The following SUMF1 variants were observed in gnomAD, a reference collection of about 807,000 sequenced individuals.
SUMF1 encodes the protein sulfatase modifying factor 1, also known as formylglycine-generating enzyme.
Under a neutral mutation model 47.6 loss-of-function variants are expected in SUMF1, and 48 were observed. The observed-to-expected ratio is 1.01, with a 90% CI of 0.80 to 1.28. The LOEUF is 1.28. SUMF1 is among the 50% of genes most tolerant of loss of function. The pLI, the probability that SUMF1 is intolerant of heterozygous loss-of-function variation, is 0.00. For synonymous variants in SUMF1, 230 were observed against 192.1 expected (o/e 1.20, Z -1.63); for missense variants, 571 against 485.4 (o/e 1.18, Z -1.66).
chr3:4,137,098 T>C (rs1292719883), intron 8 of SUMF1, among the ~76,000 whole-genome samples: 1 of 151,988 alleles, frequency 6.6e-6, no homozygotes, highest in African/African-American at 2.4e-5. Flanking sequence ...GAAAAACCAT[T>C]TGACCCAGCC....
intron 8 of SUMF1, among the ~76,000 whole-genome samples, chr3:4,253,949 C>T (rs1696877416): frequency 6.7e-6 from 1 of 150,002 alleles, no homozygotes; most frequent in Non-Finnish European, 1.5e-5. Flanking sequence ...AAGTGGGTCC[C>T]TGACCCCTGA....
At chr3:4,238,013 G>A (rs1189414555) in intron 8 of SUMF1, among the ~76,000 whole-genome samples, 1 of 150,830 alleles carries the variant, frequency 6.6e-6, no homozygotes. Context: ...TCCCACTTAT[G>A]AGTGAGAACA....
At chr3:4,360,836 T>C (rs1699734046), downstream of SUMF1, among the ~76,000 whole-genome samples, 1 of 152,200 alleles carries the variant, frequency 6.6e-6, no homozygotes, top group Non-Finnish European at 1.5e-5. Flanking sequence ...TTGAAAGCTA[T>C]TGTTCTAAAA....
At chr3:4,092,944 A>G (rs553398508) in intron 8 of SUMF1, among the ~76,000 whole-genome samples, 1 of 150,348 alleles carries the variant, frequency 6.7e-6, no homozygotes, top group South Asian at 2.1e-4. Context: ...TGATAAAAGG[A>G]AAAAAAAACA....
At chr3:4,161,669 C>T (rs1401518538) in intron 8 of SUMF1, among the ~76,000 whole-genome samples, 2 of 151,942 alleles carry the variant, frequency 1.3e-5, no homozygotes, top group South Asian at 4.2e-4. Context: ...GTGAATGCTG[C>T]CAGGCCTGAC....
downstream of SUMF1, among the ~76,000 whole-genome samples, chr3:4,359,763 G>A (rs1699701447): frequency 6.6e-6 from 1 of 152,082 alleles, no homozygotes; most frequent in South Asian, 2.1e-4. Flanking sequence ...ACTCCCACCA[G>A]GTCCCTCACA....
chr3:4,437,074 T>C (rs1397267453), intron 3 of SUMF1, among the ~76,000 whole-genome samples: 2 of 152,150 alleles, frequency 1.3e-5, no homozygotes, highest in African/African-American at 4.8e-5. Flanking sequence ...CCAACGGATA[T>C]CCTTTAGGCA....
intron 8 of SUMF1, among the ~76,000 whole-genome samples, chr3:4,078,168 G>C (rs1692480651): frequency 6.6e-6 from 1 of 152,174 alleles, no homozygotes; most frequent in East Asian, 1.9e-4. Context: ...CTTTTTGAAA[G>C]CAGGGTTCAA....
chr3:4,338,074 G>T (rs528300565), intron 8 of SUMF1, among the ~76,000 whole-genome samples: 11 of 152,230 alleles, frequency 7.2e-5, no homozygotes, highest in African/African-American at 2.6e-4. Context: ...AATTAATTTT[G>T]ACAACTAAAT....
intron 7 of SUMF1, among the ~76,000 whole-genome samples, chr3:4,397,218 G>C (rs562723878): frequency 2.6e-5 from 4 of 152,316 alleles, no homozygotes; most frequent in African/African-American, 9.6e-5. Context: ...CCTAAGCAAT[G>C]CATGTTATAC....
intron 8 of SUMF1, among the ~76,000 whole-genome samples, chr3:4,078,027 C>T (rs1409125558): frequency 6.6e-6 from 1 of 152,036 alleles, no homozygotes; most frequent in African/African-American, 2.4e-5. Flanking sequence ...TTTCACTTTG[C>T]ACTGGGACTC....
intron 8 of SUMF1, among the ~76,000 whole-genome samples, chr3:4,331,982 C>G (rs1185893374): frequency 2.0e-5 from 3 of 152,142 alleles, no homozygotes; most frequent in South Asian, 2.1e-4. Context: ...AAATTAAATT[C>G]TGAAGACTTT....
At chr3:4,232,656 T>A (rs1382504834) in intron 8 of SUMF1, among the ~76,000 whole-genome samples, 1 of 152,058 alleles carries the variant, frequency 6.6e-6, no homozygotes, top group Non-Finnish European at 1.5e-5. Context: ...TATCTGTATT[T>A]GTTTGGTTAT....
intron 8 of SUMF1, among the ~76,000 whole-genome samples, chr3:4,187,138 G>A (rs1368150610): frequency 6.6e-6 from 1 of 152,164 alleles, no homozygotes; most frequent in Non-Finnish European, 1.5e-5. Context: ...GAGAGGCTGA[G>A]GTGGGAGGAC....
chr3:4,355,296 G>A (rs1458829888), intron 8 of SUMF1, among the ~76,000 whole-genome samples: 1 of 152,224 alleles, frequency 6.6e-6, no homozygotes, highest in South Asian at 2.1e-4. Context: ...GGTAGAGGCT[G>A]TAGTGAGCCA....
intron 8 of SUMF1, among the ~76,000 whole-genome samples, chr3:4,232,757 A>G (rs573829329): frequency 6.6e-5 from 10 of 152,218 alleles, no homozygotes; most frequent in South Asian, 4.1e-4. Flanking sequence ...TAAAAATTCA[A>G]TATCTAATAC....
At chr3:4,341,131 CA>C (rs996661890) in intron 8 of SUMF1, among the ~76,000 whole-genome samples, 4 of 151,854 alleles carry the variant, frequency 2.6e-5, no homozygotes, top group Non-Finnish European at 1.5e-5. Context: ...CAAAAAGTAA[CA>C]AAAAACATCA....
chr3:4,325,088 A>G (rs1313128643), intron 8 of SUMF1, among the ~76,000 whole-genome samples: 1 of 152,174 alleles, frequency 6.6e-6, no homozygotes, highest in Non-Finnish European at 1.5e-5. Context: ...TCACAAGATC[A>G]GCATGGAAAA....
At chr3:4,182,962 T>C (rs558112303) in intron 8 of SUMF1, among the ~76,000 whole-genome samples, 5 of 152,224 alleles carry the variant, frequency 3.3e-5, no homozygotes, top group Admixed American at 2.6e-4. Flanking sequence ...CAGCCAATTA[T>C]CTTGGACTCG....
Sources: allele counts gnomAD v4.1 joint callset (sites outside exome capture counted in the v4.1 genomes callset), GRCh38; gene constraint gnomAD v4.1.1; transcripts MANE v1.5; gene names NCBI Gene and HGNC (gene_info 2026-07-23, HGNC 2026-07-21).